Variants in RMI1 observed in about 807,000 individuals in gnomAD.
The protein encoded by RMI1 is recQ-mediated genome instability protein 1.
RMI1 carries 36 observed loss-of-function variants against 46.7 expected under a neutral mutation model. The ratio of observed to expected loss-of-function variants is 0.77; its 90% CI spans 0.59 to 1.02. RMI1 has a LOEUF of 1.02. Among genes scored for constraint, RMI1 ranks in the 50% least tolerant of loss-of-function variants. The pLI is 0.00. For synonymous variants in RMI1, 250 were observed against 252.9 expected (o/e 0.99, Z 0.11); for missense variants, 676 against 713.7 (o/e 0.95, Z 0.60).
rs746226897 is a variant in RMI1 at position 84,001,742 on chromosome 9, T to A, written c.756T>A (p.Asp252Glu). Residue 252 changes from aspartate to glutamate, a missense_variant, in exon 3 of 3, where the codon GAT (aspartate) becomes GAA (glutamate). Asp to Glu is a conservative substitution (Grantham distance 45). Transcript: ENST00000445877. ...ATGAAGAACTCTTGGCAAGTCTTGA[T>A]GAAAATGATGAGCTTACAGCAAATA... ...PSDEELLASL[D>E]ENDELTANND... The A allele has an allele frequency of 6.2e-7, 1 of 1,613,902 alleles. No individual in the cohort carries two copies. The highest frequency in any genetic ancestry group is 2.2e-5 in the East Asian group (1 of 44,882).
chr9:83,992,090 A>G (rs778387577), intron 1 of RMI1, among the ~76,000 whole-genome samples: 6 of 152,220 alleles, frequency 3.9e-5, no homozygotes, highest in Non-Finnish European at 8.8e-5. Context: ...AACCTTAACC[A>G]GGTAAACTCT....
chr9:84,000,841 C>T, intron 2 of RMI1, 110 bp from the exon 3 acceptor site: 1 of 594,250 alleles, frequency 1.7e-6, no homozygotes, highest in South Asian at 2.4e-5. Flanking sequence ...ATGTAAGATG[C>T]TGAAGAGTGA....
At chr9:83,985,870 A>G (rs1242078383) in intron 1 of RMI1, among the ~76,000 whole-genome samples, 1 of 152,112 alleles carries the variant, frequency 6.6e-6, no homozygotes, top group African/African-American at 2.4e-5. Context: ...TTAGCCGGGC[A>G]TGGTGGCAGG....
Position 84,001,251 on chromosome 9 carries a change from A to G in RMI1, c.265A>G (p.Ile89Val). The change falls in exon 3 of 3, where the codon ATT becomes GTT. Residue 89 changes from isoleucine to valine, a missense_variant. Ile to Val is a conservative substitution (Grantham distance 29). Transcript: ENST00000445877. The stretch of plus-strand genomic sequence containing the variant: ...ATTAAATGGATTTTATGCTCTGCAG[A>G]TTAATTCCTTGGTTGATGTAAGTCA... Reference protein sequence around the residue: ...GELNGFYALQINSLVDVSQPA... With the variant: ...GELNGFYALQVNSLVDVSQPA... The G allele has an allele frequency of 1.2e-6, 2 of 1,614,142 alleles. No homozygotes were observed. The highest frequency in any genetic ancestry group is 1.7e-6 in the Non-Finnish European group (2 of 1,179,998).
At position 83,989,336 on chromosome 9, in the gene RMI1, G is replaced by T. The variant is rs534518553; in HGVS notation, c.-126+8445G>T. ...CAGGCAATAAAAGCAAAAATAGATG[G>T]TATTATATTAAGCTAAAAAGCTTCT... On this transcript the variant is annotated intron_variant, in intron 1 of 2. Coordinates refer to ENST00000445877, the MANE Select transcript of RMI1 (RefSeq NM_001358291.2). Among the ~76,000 whole-genome samples the T allele has an allele frequency of 2.9e-4, 44 of 152,244 alleles. No homozygotes were observed. In the South Asian group the frequency reaches 7.1e-3, roughly 24 times the overall value.
rs774850314 is a variant in RMI1 at position 84,002,700 on chromosome 9, C to G, written c.1714C>G (p.Gln572Glu). ...GTCAAAAAAGGATCCTCTTCAATAC[C>G]AAAAGTTCCTGGAAGGGTTGCAGAA... is the stretch of plus-strand genomic sequence containing the variant. Reference protein sequence around the residue: ...KQSKKDPLQYQKFLEGLQKCQ... With the variant: ...KQSKKDPLQYEKFLEGLQKCQ... Residue 572 changes from glutamine to glutamate, a missense_variant, in exon 3 of 3, where the codon CAA becomes GAA. Coordinates refer to ENST00000445877, the MANE Select transcript of RMI1 (RefSeq NM_001358291.2). 1.9e-6 allele frequency: 3 copies of G among 1,613,722 alleles called. No homozygotes were observed. The highest frequency in any genetic ancestry group is 2.5e-6 in the Non-Finnish European group (3 of 1,179,926).
intron 1 of RMI1, among the ~76,000 whole-genome samples, chr9:83,994,790 T>A (rs573217304): frequency 6.6e-6 from 1 of 152,256 alleles, no homozygotes; most frequent in East Asian, 1.9e-4. Context: ...AGTGTTGTGA[T>A]TACAGACATG....
At chr9:83,983,396 C>T (rs907417581) in intron 1 of RMI1, among the ~76,000 whole-genome samples, 1 of 152,134 alleles carries the variant, frequency 6.6e-6, no homozygotes, top group African/African-American at 2.4e-5. Flanking sequence ...ATAAATTTTT[C>T]CTCCCTAATT....
intron 1 of RMI1, 138 bp downstream of exon 1, chr9:83,981,029 C>G (rs543284205): frequency 6.6e-6 from 1 of 152,386 alleles, no homozygotes; most frequent in Non-Finnish European, 1.5e-5. Context: ...TCTGCGTCCG[C>G]TGGGCCGGGC....
At chr9:83,994,212 T>C (rs912292949) in intron 1 of RMI1, among the ~76,000 whole-genome samples, 1 of 152,322 alleles carries the variant, frequency 6.6e-6, no homozygotes, top group African/African-American at 2.4e-5. Context: ...TTATCTGATA[T>C]GTGGTTTGCA....
intron 1 of RMI1, among the ~76,000 whole-genome samples, chr9:83,997,291 A>G (rs1957671643): frequency 6.6e-6 from 1 of 151,662 alleles, no homozygotes; most frequent in Non-Finnish European, 1.5e-5. Context: ...TTGTATTTTT[A>G]GTAGAGATGG....
Position 84,002,433 on chromosome 9 carries a change from G to A in RMI1, c.1447G>A (p.Ala483Thr). ...SSENSINLSI[A>T]MDLYSPPFVY... ...AGAGAATAGCATTAATCTTTCTATT[G>A]CCATGGATTTGTATTCTCCACCCTT... The change falls in exon 3 of 3, where the codon GCC (alanine) becomes ACC (threonine). Residue 483 changes from alanine to threonine, a missense_variant. By Grantham distance (58) the Ala-to-Thr change is moderately conservative. Coordinates refer to ENST00000445877, the MANE Select transcript of RMI1 (RefSeq NM_001358291.2). 1 of 1,613,750 alleles carries A rather than the reference G, an allele frequency of 6.2e-7. No homozygotes were observed. The highest frequency in any genetic ancestry group is 8.5e-7 in the Non-Finnish European group (1 of 1,179,880).
intron 1 of RMI1, among the ~76,000 whole-genome samples, chr9:83,981,337 C>G (rs925296571): frequency 2.0e-5 from 3 of 152,234 alleles, no homozygotes; most frequent in Non-Finnish European, 4.4e-5. Flanking sequence ...TTGCCCTTGT[C>G]TCCTAAAATG....
At position 84,002,816 on chromosome 9, in the gene RMI1, T is replaced by A; in HGVS notation, c.1830T>A (p.Asp610Glu). 2 of 1,593,208 alleles carry A rather than the reference T, an allele frequency of 1.3e-6. No homozygotes were observed. The highest frequency in any genetic ancestry group is 1.7e-6 in the Non-Finnish European group (2 of 1,164,132). Reference sequence around the variant, plus strand: ...AAGCAATGGTACTGGCATTACAAGATGTTAATATGGAACACCTTGAGAATC... The same window carrying A: ...AAGCAATGGTACTGGCATTACAAGAAGTTAATATGGAACACCTTGAGAATC... The part of the protein sequence containing the change: ...LSKAMVLALQ[D>E]VNMEHLENLK... The change falls in exon 3 of 3, where the codon GAT becomes GAA. Residue 610 changes from aspartate (D) to glutamate (E), a missense_variant. Transcript: ENST00000445877.
intron 1 of RMI1, among the ~76,000 whole-genome samples, chr9:83,998,927 G>C (rs1957698323): frequency 6.6e-6 from 1 of 152,138 alleles, no homozygotes; most frequent in Non-Finnish European, 1.5e-5. Flanking sequence ...GATCACTTGA[G>C]GTCAGGAATT....
At chr9:83,984,102 T>C (rs1957456577) in intron 1 of RMI1, among the ~76,000 whole-genome samples, 1 of 152,114 alleles carries the variant, frequency 6.6e-6, no homozygotes, top group Non-Finnish European at 1.5e-5. Flanking sequence ...AAGATGTACA[T>C]AGTTTTGGGG....
intron 1 of RMI1, among the ~76,000 whole-genome samples, chr9:83,984,214 A>G (rs1421729061): frequency 1.3e-5 from 2 of 151,952 alleles, no homozygotes; most frequent in Non-Finnish European, 2.9e-5. Flanking sequence ...GTCCTTATTT[A>G]TGATTATGTC....
intron 1 of RMI1, among the ~76,000 whole-genome samples, chr9:83,995,203 G>T (rs1274520757): frequency 6.6e-6 from 1 of 151,842 alleles, no homozygotes. Context: ...TTTCACCATT[G>T]TTGGCCAGGG....
At chr9:83,988,687 C>G (rs1207427211) in intron 1 of RMI1, among the ~76,000 whole-genome samples, 1 of 152,168 alleles carries the variant, frequency 6.6e-6, no homozygotes, top group Non-Finnish European at 1.5e-5. Flanking sequence ...AATGAGAATT[C>G]TAGTACTTGG....
Sources: allele counts gnomAD v4.1 joint callset (sites outside exome capture counted in the v4.1 genomes callset), GRCh38; gene constraint gnomAD v4.1.1; transcripts MANE v1.5; gene names NCBI Gene and HGNC (gene_info 2026-07-23, HGNC 2026-07-21).